EGF: variants seen among roughly 807,000 people sequenced by gnomAD.
EGF encodes the protein epidermal growth factor, also known as pro-epidermal growth factor.
A neutral mutation model predicts 143.8 loss-of-function variants in EGF; 95 were observed. The observed-to-expected ratio is 0.66, with a 90% CI of 0.56 to 0.78. The LOEUF (loss-of-function observed/expected upper bound fraction) is 0.78, where lower values mean the gene tolerates loss of function less well. EGF is among the 30% of genes least tolerant of loss of function. The pLI, the probability that EGF is intolerant of heterozygous loss-of-function variation, is 0.00. For missense variants in EGF, 1,320 were observed against 1,470.9 expected, an observed-to-expected ratio of 0.90 and a Z score of 1.68; for synonymous variants, 510 against 510.5, an observed-to-expected ratio of 1.00 and a Z score of 0.01.
intron 5 of EGF, among the ~76,000 whole-genome samples, chr4:109,952,878 T>C (rs1744173855): frequency 6.6e-6 from 1 of 152,250 alleles, no homozygotes; most frequent in Admixed American, 6.5e-5. Flanking sequence ...TCTTTCTTGC[T>C]GCTGGCTCTC....
At chr4:109,977,897 A>T (rs11568998) in intron 13 of EGF, among the ~76,000 whole-genome samples, 1 of 152,236 alleles carries the variant, frequency 6.6e-6, no homozygotes, top group African/African-American at 2.4e-5. Context: ...TATCTTTGAC[A>T]TAAAAAGGTA....
chr4:110,012,896 A>G lies in EGF; in HGVS notation c.*1441A>G, dbSNP rs1436755771. Among the ~76,000 whole-genome samples, 6 of 152,166 alleles carry G rather than the reference A, an allele frequency of 3.9e-5. No individual in the cohort carries two copies. The highest frequency in any genetic ancestry group is 2.6e-4 in the Admixed American group (4 of 15,268). ...TATGCATTAACTAGTCCCTTTGTTT[A>G]TCTTTCATTTCTCAACCCCTTGTAC... On this transcript the variant is annotated 3_prime_UTR_variant, in exon 24 of 24. Transcript: ENST00000265171.
intron 15 of EGF, among the ~76,000 whole-genome samples, chr4:109,981,450 GTACT>G (rs1749343470): frequency 6.6e-6 from 1 of 152,178 alleles, no homozygotes; most frequent in Non-Finnish European, 1.5e-5. Context: ...GGCTTGTGAT[GTACT>G]TTTTTACAAA....
At chr4:109,973,587 C>G (rs985454361) in intron 11 of EGF, among the ~76,000 whole-genome samples, 3 of 151,772 alleles carry the variant, frequency 2.0e-5, no homozygotes, top group African/African-American at 7.3e-5. Context: ...TCCCTCTTTC[C>G]CCTCTTACTT....
chr4:110,002,001 A>G (rs1490934725), intron 21 of EGF: 4 of 985,356 alleles, frequency 4.1e-6, no homozygotes, highest in Non-Finnish European at 4.8e-6. Context: ...AGATCAAATT[A>G]AAACTGCTAG....
chr4:109,977,500 A>C (rs988904170), intron 13 of EGF: 1 of 152,220 alleles, frequency 6.6e-6, no homozygotes, highest in African/African-American at 2.4e-5. Context: ...TGATATCTGC[A>C]AAGCCAAGGA....
chr4:109,941,186 C>A, intron 2 of EGF, 41 bp downstream of exon 2: 2 of 1,558,072 alleles, frequency 1.3e-6, no homozygotes, highest in Non-Finnish European at 1.8e-6. Context: ...TGTTTTTGTA[C>A]AGGCTGACAA....
chr4:109,980,802 G>A (rs1749236964), intron 14 of EGF, 24 bp from the exon 15 acceptor site: 1 of 1,613,840 alleles, frequency 6.2e-7, no homozygotes, highest in Non-Finnish European at 8.5e-7. Flanking sequence ...ACCCACTTGT[G>A]AATTTGTTTC....
rs140977841 is a variant in EGF at position 109,997,663 on chromosome 4, G to A, written c.3006-2016G>A. ...GATGGGGTTTCACCGTGTTAGCCAG[G>A]ATGGTCTCCATCTCCTGACCTCGTG... is the stretch of plus-strand genomic sequence containing the variant. On this transcript the variant is annotated intron_variant, in intron 20 of 23. Transcript: ENST00000265171. Among the ~76,000 whole-genome samples the A allele has an allele frequency of 9.6e-3, 1,464 of 152,148 alleles. 20 individuals carry two copies. Among genetic ancestry groups the A allele is most frequent in the Non-Finnish European group, 0.017 (1,178 of 67,978 alleles).
intron 1 of EGF, among the ~76,000 whole-genome samples, chr4:109,914,076 G>A (rs1428149855): frequency 2.6e-5 from 4 of 152,166 alleles, no homozygotes; most frequent in South Asian, 2.1e-4. Context: ...ATGATAATGG[G>A]TAAATAAGCC....
chr4:109,993,125 G>C lies in EGF; in HGVS notation c.2735-122G>C, dbSNP rs11569077. Reference sequence around the variant, plus strand: ...AAATATATATTAAAAAAATATATAGGTCTCTGAGAACATATAGCATGACAG... The same window carrying C: ...AAATATATATTAAAAAAATATATAGCTCTCTGAGAACATATAGCATGACAG... On this transcript the variant is annotated intron_variant, in intron 18 of 23. Coordinates refer to ENST00000265171, the MANE Select transcript of EGF (RefSeq NM_001963.6). 2.2e-3 allele frequency: 2,564 copies of C among 1,161,924 alleles called. 44 individuals carry two copies. In the African/African-American group the frequency reaches 0.035, roughly 16 times the overall value. The allele number at this position is 1,161,924 out of a possible 1,614,324, so 72.0% of individuals were successfully genotyped here.
chr4:109,927,119 G>C (rs559963894), intron 1 of EGF, among the ~76,000 whole-genome samples: 1 of 152,246 alleles, frequency 6.6e-6, no homozygotes, highest in East Asian at 1.9e-4. Flanking sequence ...ATAGAAATTT[G>C]CTGGTCTAAT....
chr4:109,917,469 G>A (rs1488199295), intron 1 of EGF, among the ~76,000 whole-genome samples: 1 of 151,596 alleles, frequency 6.6e-6, no homozygotes, highest in Non-Finnish European at 1.5e-5. Flanking sequence ...ATGGTTGGTT[G>A]GAGGTTTTTT....
intron 23 of EGF, among the ~76,000 whole-genome samples, chr4:110,008,572 C>T (rs1753621068): frequency 6.6e-6 from 1 of 152,012 alleles, no homozygotes; most frequent in Admixed American, 6.6e-5. Context: ...AGGTATAGTC[C>T]CAGTTAAGTT....
intron 5 of EGF, among the ~76,000 whole-genome samples, chr4:109,952,200 A>G (rs1744052501): frequency 6.6e-6 from 1 of 152,234 alleles, no homozygotes; most frequent in Non-Finnish European, 1.5e-5. Flanking sequence ...TGGGGATTTT[A>G]CAACTACTTT....
chr4:110,002,208 G>A (rs1316041772), intron 21 of EGF, among the ~76,000 whole-genome samples: 1 of 152,094 alleles, frequency 6.6e-6, no homozygotes, highest in Non-Finnish European at 1.5e-5. Flanking sequence ...TTAATTGTTT[G>A]TGTGCTGGGT....
chr4:110,011,713 CTTTGTAAAT>C lies in EGF; in HGVS notation c.*260_*268del. Reference sequence around the variant, plus strand: ...AGAAACCCAAATTGGGACAACAGTGCTTTGTAAATTGTGTTGTCTTCAGCAGTCAATACA... The same window carrying C: ...AGAAACCCAAATTGGGACAACAGTGCTGTGTTGTCTTCAGCAGTCAATACA... On this transcript the variant is annotated 3_prime_UTR_variant, in exon 24 of 24. Transcript: ENST00000265171. 1.9e-6 allele frequency: 1 copy of C among 534,018 alleles called. No individual in the cohort carries two copies. Among genetic ancestry groups the C allele is most frequent in the Admixed American group, 3.2e-5 (1 of 31,286 alleles). 33.1% of individuals were successfully genotyped at this position (534,018 alleles called of 1,614,324 possible). A position where few individuals can be genotyped will look rare whatever the true frequency, so the allele number is the denominator to read the frequency against.
At position 110,004,573 on chromosome 4, in the gene EGF, G is replaced by A. The variant is rs778541371; in HGVS notation, c.3242G>A (p.Arg1081His). 1.5e-5 allele frequency: 24 copies of A among 1,613,976 alleles called. No homozygotes were observed. In the South Asian group the frequency reaches 1.8e-4, roughly 12 times the overall value. The change falls in exon 22 of 24, where the codon CGC (arginine) becomes CAC (histidine). Residue 1081 changes from arginine to histidine, a missense_variant. Physicochemically the swap from Arg to His is conservative, Grantham distance 29. Around this residue, in one of 5 missense-constraint regions of EGF, gnomAD observed 1,186 missense variants for 1,313.7 expected, o/e 0.90. Transcript: ENST00000265171. Reference sequence around the variant, plus strand: ...GAGTCGAGCAGAGATGTGAGGAGTCGCAGGCCTGCTGACACTGAGGATGGG... The same window carrying A: ...GAGTCGAGCAGAGATGTGAGGAGTCACAGGCCTGCTGACACTGAGGATGGG... ...YEESSRDVRS[R>H]RPADTEDGMS...
intron 1 of EGF, among the ~76,000 whole-genome samples, chr4:109,934,515 C>T (rs540081723): frequency 1.4e-4 from 22 of 152,070 alleles, no homozygotes; most frequent in South Asian, 6.2e-4. Flanking sequence ...GTAGGTTGCC[C>T]GTTCACTCTG....
Sources: allele counts gnomAD v4.1 joint callset (sites outside exome capture counted in the v4.1 genomes callset), GRCh38; gene constraint gnomAD v4.1.1; regional missense constraint gnomAD v4.1.1; transcripts MANE v1.5; gene names NCBI Gene and HGNC (gene_info 2026-07-23, HGNC 2026-07-21).